RNF13: variants seen among roughly 807,000 people sequenced by gnomAD.
RNF13 encodes E3 ubiquitin-protein ligase RNF13.
RNF13 carries 19 observed loss-of-function variants against 37.7 expected under a neutral mutation model. The ratio of observed to expected loss-of-function variants is 0.50; its 90% confidence interval spans 0.35 to 0.74. RNF13 has a LOEUF of 0.74. Among genes scored for constraint, RNF13 ranks in the 30% least tolerant of loss-of-function variants. The probability of loss-of-function intolerance (pLI) is 0.01; values close to 1 mark genes in which losing one functional copy is unlikely to be tolerated. For missense variants in RNF13, 375 were observed against 453.0 expected (o/e 0.83, Z 1.56); for synonymous variants, 144 against 157.8 (o/e 0.91, Z 0.65).
At position 149,921,339 on chromosome 3, in the gene RNF13, A is replaced by C. The variant is rs560700639; in HGVS notation, c.700+112A>C. 5 of 282,522 alleles carry C rather than the reference A, an allele frequency of 1.8e-5. No individual in the cohort carries two copies. The South Asian group carries it at 6.8e-4, about 38-fold the overall frequency. 17.5% of individuals were successfully genotyped at this position (282,522 alleles called of 1,614,324 possible). ...TATTATACTTTAAGTTCTAGGGTAC[A>C]TGTGCACAACGTGCAGGTTTGTTAC... On this transcript the variant is annotated intron_variant, in intron 8 of 9. Coordinates refer to ENST00000392894, the MANE Select transcript of RNF13 (RefSeq NM_183381.3).
In RNF13 at chr3:149,846,061, C is replaced by T. The variant is rs770937150; in HGVS notation, c.35C>T (p.Ala12Val). 6 of 1,612,188 alleles carry T rather than the reference C, an allele frequency of 3.7e-6. No individual in the cohort carries two copies. The highest frequency in any genetic ancestry group is 3.3e-5 in the South Asian group (3 of 90,996). Residue 12 changes from alanine to valine, a missense_variant, in exon 2 of 10, where the codon GCC becomes GTC. By Grantham distance (64) the Ala-to-Val change is moderately conservative (BLOSUM62 0). Transcript: ENST00000392894. ...LLSIGMLMLS[A>V]TQVYTILTVQ... ...TCCATAGGGATGCTCATGCTGTCAG[C>T]CACACAAGTCTACACCATCTTGACT...
intron 1 of RNF13, among the ~76,000 whole-genome samples, chr3:149,815,156 G>GA (rs1315502392): frequency 3.9e-4 from 60 of 152,208 alleles, no homozygotes; most frequent in Non-Finnish European, 5.6e-4. Flanking sequence ...ATATTTTTCT[G>GA]CATTCCAGAA....
chr3:149,848,990 A>T (rs1157481767), intron 2 of RNF13, among the ~76,000 whole-genome samples: 2 of 152,174 alleles, frequency 1.3e-5, no homozygotes, highest in Non-Finnish European at 1.5e-5. Flanking sequence ...TGAAGTAATT[A>T]AAAGCCTTCT....
At chr3:149,878,935 G>C (rs972623848) in intron 4 of RNF13, among the ~76,000 whole-genome samples, 2 of 152,138 alleles carry the variant, frequency 1.3e-5, no homozygotes, top group African/African-American at 4.8e-5. Flanking sequence ...TTTGCACTTG[G>C]AAAGGTTTAG....
At chr3:149,934,625 T>C (rs1179059141) in intron 8 of RNF13, among the ~76,000 whole-genome samples, 1 of 152,106 alleles carries the variant, frequency 6.6e-6, no homozygotes, top group African/African-American at 2.4e-5. Context: ...GCATGTTGTT[T>C]AATTTTCACA....
chr3:149,895,302 G>C (rs1715126436), intron 4 of RNF13, 171 bp from the exon 5 acceptor site: 2 of 470,272 alleles, frequency 4.3e-6, no homozygotes, highest in East Asian at 6.8e-5. Flanking sequence ...CCTGATTACA[G>C]CAAGTTTCTA....
At chr3:149,932,353 G>C (rs79626064) in intron 8 of RNF13, among the ~76,000 whole-genome samples, 5 of 152,094 alleles carry the variant, frequency 3.3e-5, no homozygotes, top group South Asian at 4.1e-4. Flanking sequence ...TTCCTCTTGC[G>C]TAGTACAATA....
chr3:149,931,729 T>C (rs1182895501), intron 8 of RNF13, among the ~76,000 whole-genome samples: 1 of 152,202 alleles, frequency 6.6e-6, no homozygotes, highest in East Asian at 1.9e-4. Context: ...ATCTAGCTAT[T>C]TGAAATACAT....
chr3:149,957,024 A>G (rs1217202464), intron 8 of RNF13, among the ~76,000 whole-genome samples: 2 of 152,234 alleles, frequency 1.3e-5, no homozygotes, highest in Non-Finnish European at 2.9e-5. Flanking sequence ...GCTAATAGTA[A>G]CAAAACTAAC....
intron 8 of RNF13, among the ~76,000 whole-genome samples, chr3:149,940,015 G>A (rs1720097549): frequency 6.6e-6 from 1 of 152,052 alleles, no homozygotes; most frequent in African/African-American, 2.4e-5. Context: ...TATTTAAAGT[G>A]ATTATGAATG....
At chr3:149,946,920 A>C (rs556590671) in intron 8 of RNF13, among the ~76,000 whole-genome samples, 5 of 152,244 alleles carry the variant, frequency 3.3e-5, no homozygotes, top group African/African-American at 1.2e-4. Flanking sequence ...CTTTCCTCTT[A>C]ATACTGTTTT....
intron 6 of RNF13, among the ~76,000 whole-genome samples, chr3:149,904,167 C>G (rs1317326615): frequency 1.3e-5 from 2 of 151,960 alleles, no homozygotes; most frequent in African/African-American, 4.8e-5. Context: ...ATACAAAGGT[C>G]TAGAATTTTT....
chr3:149,903,937 ATCTGTCTGTCTGTCTG>A (rs34025145), intron 6 of RNF13, among the ~76,000 whole-genome samples: 2 of 148,374 alleles, frequency 1.3e-5, no homozygotes, highest in African/African-American at 2.5e-5. Flanking sequence ...ATATCTGTCT[ATCTGTCTGTCTGTCTG>A]TCTGTCTGTC....
chr3:149,903,209 A>G (rs1716027060), intron 6 of RNF13, among the ~76,000 whole-genome samples: 1 of 152,100 alleles, frequency 6.6e-6, no homozygotes. Flanking sequence ...AGTTGTATCA[A>G]AAAACAGTTA....
At chr3:149,829,177 G>GC (rs1720793555) in intron 1 of RNF13, among the ~76,000 whole-genome samples, 1 of 152,136 alleles carries the variant, frequency 6.6e-6, no homozygotes, top group African/African-American at 2.4e-5. Flanking sequence ...TTGGCTCACT[G>GC]CAACCTCTTC....
intron 1 of RNF13, among the ~76,000 whole-genome samples, chr3:149,845,518 G>A (rs1255510524): frequency 2.6e-5 from 4 of 152,208 alleles, no homozygotes; most frequent in African/African-American, 9.6e-5. Context: ...TATTATAAGT[G>A]GCTGTTAATT....
intron 8 of RNF13, among the ~76,000 whole-genome samples, chr3:149,950,338 G>A (rs760697345): frequency 4.6e-5 from 7 of 152,268 alleles, no homozygotes; most frequent in Non-Finnish European, 8.8e-5. Context: ...CTTTTAGTAT[G>A]CTTTGTAATT....
rs1559982882 is a variant in RNF13 at position 149,961,946 on chromosome 3, G to A, written c.*842G>A. The A allele has an allele frequency of 6.6e-6, 1 of 152,556 alleles. No individual in the cohort carries two copies. The highest frequency in any genetic ancestry group is 1.5e-5 in the Non-Finnish European group (1 of 67,984). 9.5% of individuals were successfully genotyped at this position (152,556 alleles called of 1,614,324 possible). A position where few individuals can be genotyped will look rare whatever the true frequency, so the allele number is the denominator to read the frequency against. On this transcript the variant is annotated 3_prime_UTR_variant, in exon 10 of 10. Coordinates refer to ENST00000392894, the MANE Select transcript of RNF13 (RefSeq NM_183381.3). ...AACTGTTCAAGTATTGGATTTGAAA[G>A]TAAGTGACTTATGTTTAACAGAACT...
intron 9 of RNF13, among the ~76,000 whole-genome samples, chr3:149,960,418 C>T (rs1576611691): frequency 6.6e-6 from 1 of 151,942 alleles, no homozygotes; most frequent in South Asian, 2.1e-4. Flanking sequence ...AGTGAAACCC[C>T]GTCTCTACTA....
Sources: gnomAD v4.1 joint callset for allele counts (sites outside exome capture counted in the v4.1 genomes callset) on GRCh38, gnomAD v4.1.1 for gene constraint, MANE v1.5 for transcripts, NCBI Gene and HGNC (gene_info 2026-07-23, HGNC 2026-07-21) for gene names.